Variants in SHTN1 observed in about 807,000 individuals in gnomAD.
The protein encoded by SHTN1 is shootin-1.
SHTN1 carries 42 observed loss-of-function variants against 83.1 expected under a neutral mutation model. That is an observed-to-expected ratio of 0.51 (90% CI 0.39 to 0.65). The LOEUF is 0.65. Among genes scored for constraint, SHTN1 ranks in the 30% least tolerant of loss-of-function variants. SHTN1 has a pLI of 0.00. For synonymous variants in SHTN1, 224 were observed against 247.7 expected (o/e 0.90, Z 0.90); for missense variants, 622 against 737.8 (o/e 0.84, Z 1.82).
intron 1 of SHTN1, among the ~76,000 whole-genome samples, chr10:117,077,261 G>T (rs1193231586): frequency 6.6e-6 from 1 of 152,158 alleles, no homozygotes; most frequent in Non-Finnish European, 1.5e-5. Flanking sequence ...TCACAAGTTT[G>T]CATTTTGACT....
chr10:116,927,944 GT>G, intron 10 of SHTN1, 53 bp from the exon 11 acceptor site: 2 of 1,581,092 alleles, frequency 1.3e-6, no homozygotes, highest in Non-Finnish European at 1.7e-6. Flanking sequence ...ACTAAACATT[GT>G]TTATACATGT....
In SHTN1 at chr10:116,917,312, CT is replaced by C. The variant is rs990323986; in HGVS notation, c.1196-1829del. ...TTTATTCCTGAGAATTTAGAAAATA[CT>C]TTTTTTTTGAGATGGAGTCTTGCTC... On this transcript the variant is annotated intron_variant, in intron 12 of 16. Transcript: ENST00000355371. 8.6e-5 allele frequency among the ~76,000 whole-genome samples: 13 copies of C among 151,526 alleles called. No homozygotes were observed. In the South Asian group the frequency reaches 2.3e-3, roughly 27 times the overall value.
intron 1 of SHTN1, among the ~76,000 whole-genome samples, chr10:117,112,776 T>G (rs1853786851): frequency 6.6e-6 from 1 of 152,194 alleles, no homozygotes; most frequent in South Asian, 2.1e-4. Flanking sequence ...CTTAGCATAT[T>G]AGCAAGAATG....
intron 9 of SHTN1, among the ~76,000 whole-genome samples, chr10:116,930,778 G>T (rs1848932089): frequency 6.6e-6 from 1 of 152,138 alleles, no homozygotes; most frequent in Non-Finnish European, 1.5e-5. Context: ...TGGTATTTCT[G>T]TGTTAAGTTC....
intron 1 of SHTN1, among the ~76,000 whole-genome samples, chr10:117,115,775 T>C (rs1056330279): frequency 2.0e-5 from 3 of 152,238 alleles, no homozygotes; most frequent in African/African-American, 7.2e-5. Context: ...GGCAGCTCAC[T>C]ATACTGAGCT....
At chr10:117,034,930 T>C (rs1446870675) in intron 2 of SHTN1, among the ~76,000 whole-genome samples, 1 of 151,940 alleles carries the variant, frequency 6.6e-6, no homozygotes, top group Admixed American at 6.6e-5. Flanking sequence ...TTCAATGCAA[T>C]CCCTCTCAGA....
At chr10:116,967,677 A>G (rs1022143732) in intron 3 of SHTN1, among the ~76,000 whole-genome samples, 4 of 152,214 alleles carry the variant, frequency 2.6e-5, no homozygotes, top group African/African-American at 4.8e-5. Flanking sequence ...ATTATTAGCT[A>G]TAGGCACAAT....
intron 1 of SHTN1, among the ~76,000 whole-genome samples, chr10:116,996,125 T>A (rs181250618): frequency 2.0e-5 from 3 of 152,326 alleles, no homozygotes; most frequent in East Asian, 1.9e-4. Flanking sequence ...AATAAACTGG[T>A]CTTACTGATT....
chr10:116,993,658 TA>T (rs1258859155), intron 1 of SHTN1, among the ~76,000 whole-genome samples: 3 of 152,194 alleles, frequency 2.0e-5, no homozygotes, highest in Non-Finnish European at 4.4e-5. Context: ...AGATGATGCC[TA>T]GCTTTGTCTG....
chr10:116,999,401 G>C (rs1851744137), intron 1 of SHTN1, among the ~76,000 whole-genome samples: 1 of 152,178 alleles, frequency 6.6e-6, no homozygotes, highest in Non-Finnish European at 1.5e-5. Context: ...TCAATGTAGT[G>C]ATTTCATCCT....
At position 116,954,123 on chromosome 10, in the gene SHTN1, T is replaced by C; in HGVS notation, c.355A>G (p.Ile119Val). The C allele has an allele frequency of 6.2e-7, 1 of 1,613,986 alleles. No individual in the cohort carries two copies. Among genetic ancestry groups the C allele is most frequent in the Non-Finnish European group, 8.5e-7 (1 of 1,179,890 alleles). The change falls in exon 5 of 17, where the codon ATT becomes GTT. Residue 119 changes from isoleucine (I) to valine (V), a missense_variant. Around this residue, in one of 3 missense-constraint regions of SHTN1, gnomAD observed 383 missense variants for 455.8 expected, o/e 0.84. Coordinates refer to ENST00000355371, the MANE Select transcript of SHTN1 (RefSeq NM_001127211.3). The stretch of plus-strand genomic sequence containing the variant: ...TCTGTAGTCGAATCTTCATCATCAA[T>C]GTTTATCTCTTCAGTTATTACATCT... ...GPDVITEEIN[I>V]DDEDSTTDTD...
chr10:116,954,983 G>A (rs998173397), intron 4 of SHTN1, among the ~76,000 whole-genome samples: 1 of 151,584 alleles, frequency 6.6e-6, no homozygotes, highest in Non-Finnish European at 1.5e-5. Context: ...TCCTGTCTCA[G>A]AGATTCTATG....
intron 16 of SHTN1, among the ~76,000 whole-genome samples, chr10:116,888,440 A>G (rs2133298177): frequency 6.6e-6 from 1 of 152,280 alleles, no homozygotes; most frequent in Non-Finnish European, 1.5e-5. Context: ...CGTCTGTGTA[A>G]ATCTGCTGCT....
intron 3 of SHTN1, among the ~76,000 whole-genome samples, chr10:116,967,838 A>G (rs1228550547): frequency 6.6e-6 from 1 of 152,212 alleles, no homozygotes; most frequent in African/African-American, 2.4e-5. Flanking sequence ...TGAAAGAATA[A>G]TTAAATACAT....
intron 1 of SHTN1, among the ~76,000 whole-genome samples, chr10:117,077,120 A>G (rs1425599569): frequency 6.6e-6 from 1 of 152,222 alleles, no homozygotes; most frequent in Non-Finnish European, 1.5e-5. Context: ...AAATAGTAAA[A>G]TGCTTCACCT....
chr10:116,930,287 G>A (rs1413924474), intron 9 of SHTN1, among the ~76,000 whole-genome samples: 1 of 151,994 alleles, frequency 6.6e-6, no homozygotes, highest in Non-Finnish European at 1.5e-5. Flanking sequence ...TGTTATATAG[G>A]TAAATTGTGT....
intron 2 of SHTN1, among the ~76,000 whole-genome samples, chr10:117,017,263 G>T (rs897044949): frequency 2.6e-5 from 4 of 152,078 alleles, no homozygotes; most frequent in African/African-American, 9.7e-5. Context: ...AGGCCGAGGA[G>T]GGCGGATCAC....
At chr10:117,001,642 A>T (rs1272856750) in intron 1 of SHTN1, among the ~76,000 whole-genome samples, 4 of 152,212 alleles carry the variant, frequency 2.6e-5, no homozygotes, top group Admixed American at 6.5e-5. Context: ...ACATAGTTAG[A>T]TACAAGGAGT....
intron 2 of SHTN1, among the ~76,000 whole-genome samples, chr10:117,019,206 G>A (rs1265705203): frequency 1.4e-5 from 2 of 145,696 alleles, no homozygotes; most frequent in South Asian, 4.3e-4. Flanking sequence ...TTTTTTCTTT[G>A]AGACTAGATC....
Sources: gnomAD v4.1 joint callset for allele counts (sites outside exome capture counted in the v4.1 genomes callset) on GRCh38, gnomAD v4.1.1 for gene constraint, gnomAD v4.1.1 regional missense constraint, MANE v1.5 for transcripts, NCBI Gene and HGNC (gene_info 2026-07-23, HGNC 2026-07-21) for gene names.